The following PDE7B variants were observed in gnomAD, a reference collection of about 807,000 sequenced individuals.
The protein encoded by PDE7B is 3',5'-cyclic-AMP phosphodiesterase 7B.
PDE7B carries 29 observed loss-of-function variants against 56.2 expected under a neutral mutation model. That is an observed-to-expected ratio of 0.52 (90% confidence interval 0.38 to 0.70). The LOEUF (loss-of-function observed/expected upper bound fraction) is 0.70. Among genes scored for constraint, PDE7B ranks in the 30% least tolerant of loss-of-function variants. The probability of loss-of-function intolerance (pLI) is 0.00; values close to 1 mark genes in which losing one functional copy is unlikely to be tolerated. For missense variants in PDE7B, 490 were observed against 565.0 expected, an observed-to-expected ratio of 0.87 and a Z score of 1.35; for synonymous variants, 197 against 196.9, an observed-to-expected ratio of 1.00 and a Z score of 0.00.
intron 2 of PDE7B, chr6:136,038,643 G>C (rs1411045172): frequency 4.1e-6 from 3 of 727,900 alleles, no homozygotes; most frequent in Middle Eastern, 3.2e-4. Flanking sequence ...TCAGGTCTGA[G>C]GGCTGTGACT....
chr6:136,113,774 A>AG, intron 3 of PDE7B, among the ~76,000 whole-genome samples: 1 of 152,292 alleles, frequency 6.6e-6, no homozygotes, highest in East Asian at 1.9e-4. Context: ...GTGGACCCAG[A>AG]GGGGAGAGTT....
At chr6:135,898,322 T>A (rs773751829) in intron 1 of PDE7B, among the ~76,000 whole-genome samples, 4 of 152,356 alleles carry the variant, frequency 2.6e-5, no homozygotes, top group Admixed American at 6.5e-5. Context: ...AATAAATACA[T>A]GTTTGGTCAC....
chr6:136,189,123 C>T (rs1466522088), intron 12 of PDE7B, among the ~76,000 whole-genome samples: 1 of 150,950 alleles, frequency 6.6e-6, no homozygotes, highest in Non-Finnish European at 1.5e-5. Context: ...CTGCCTCAAT[C>T]CAAAATGAGA....
intron 1 of PDE7B, among the ~76,000 whole-genome samples, chr6:135,853,747 T>C (rs938658266): frequency 2.6e-5 from 4 of 152,078 alleles, no homozygotes; most frequent in Admixed American, 2.6e-4. Context: ...AATTAAGTTA[T>C]TTAGGGCAAG....
rs1471251386 is a variant in PDE7B at position 136,193,419 on chromosome 6, G to A, written c.*1579G>A. 6.7e-6 allele frequency: 1 copy of A among 149,148 alleles called. No individual in the cohort carries two copies. Among genetic ancestry groups the A allele is most frequent in the Non-Finnish European group, 1.5e-5 (1 of 68,028 alleles). The allele number at this position is 149,148 out of a possible 1,614,324, so 9.2% of individuals were successfully genotyped here. ...ATAACAGACTTTACCTTCCTGGCAG[G>A]TCATTGTAGTTAATTATGTCTCTAG... is the stretch of plus-strand genomic sequence containing the variant. On this transcript the variant is annotated 3_prime_UTR_variant, in exon 13 of 13. Coordinates refer to ENST00000308191, the MANE Select transcript of PDE7B (RefSeq NM_018945.4).
At chr6:135,898,904 T>C (rs1042252130) in intron 1 of PDE7B, among the ~76,000 whole-genome samples, 1 of 152,184 alleles carries the variant, frequency 6.6e-6, no homozygotes, top group South Asian at 2.1e-4. Context: ...TTACATATGA[T>C]ATGGTTTGGC....
intron 2 of PDE7B, among the ~76,000 whole-genome samples, chr6:136,048,056 G>A (rs144173894): frequency 3.7e-4 from 56 of 151,094 alleles, no homozygotes; most frequent in African/African-American, 1.3e-3. Flanking sequence ...GAATGTTGAG[G>A]TAGATGGATG....
intron 6 of PDE7B, among the ~76,000 whole-genome samples, chr6:136,153,433 G>A (rs1014463863): frequency 2.6e-5 from 4 of 152,104 alleles, no homozygotes; most frequent in Admixed American, 6.5e-5. Flanking sequence ...AACCAAAATC[G>A]CCTTGCCTGT....
intron 2 of PDE7B, among the ~76,000 whole-genome samples, chr6:135,967,705 A>C (rs1026762312): frequency 1.3e-5 from 2 of 152,238 alleles, no homozygotes; most frequent in African/African-American, 4.8e-5. Flanking sequence ...TTAATTTTGT[A>C]GGATACTAAA....
chr6:135,878,370 T>C (rs1304022255), intron 1 of PDE7B, among the ~76,000 whole-genome samples: 2 of 152,220 alleles, frequency 1.3e-5, no homozygotes, highest in Admixed American at 1.3e-4. Flanking sequence ...TATTTTAATG[T>C]ACACTTTAAC....
intron 2 of PDE7B, among the ~76,000 whole-genome samples, chr6:136,059,447 C>T (rs1445174313): frequency 1.3e-5 from 2 of 152,184 alleles, no homozygotes; most frequent in Non-Finnish European, 2.9e-5. Context: ...CTTCTCTGTG[C>T]ACCACAGCCA....
chr6:135,876,184 G>A (rs970058256), intron 1 of PDE7B, among the ~76,000 whole-genome samples: 3 of 152,182 alleles, frequency 2.0e-5, no homozygotes, highest in Non-Finnish European at 4.4e-5. Context: ...GCTGTGAGAA[G>A]AGTTTGGCAT....
At chr6:136,166,521 G>A in intron 8 of PDE7B, 1 of 154,880 alleles carries the variant, frequency 6.5e-6, no homozygotes. Flanking sequence ...ATGGCAGATG[G>A]CAAAGAGAGT....
chr6:135,856,711 A>G (rs566609901), intron 1 of PDE7B, among the ~76,000 whole-genome samples: 1 of 152,280 alleles, frequency 6.6e-6, no homozygotes, highest in African/African-American at 2.4e-5. Flanking sequence ...GAAAATAGGG[A>G]GCTGGTTTTG....
At chr6:135,912,370 C>T (rs1477591693) in intron 1 of PDE7B, among the ~76,000 whole-genome samples, 1 of 152,066 alleles carries the variant, frequency 6.6e-6, no homozygotes, top group African/African-American at 2.4e-5. Context: ...GTAGCATTTA[C>T]TTTTTATTAG....
At chr6:136,031,738 CAAAAA>C (rs36015213) in intron 2 of PDE7B, among the ~76,000 whole-genome samples, 1 of 109,964 alleles carries the variant, frequency 9.1e-6, no homozygotes, top group African/African-American at 3.4e-5. Flanking sequence ...GACTCCGTCT[CAAAAA>C]AAAAAAAAAA....
At chr6:135,877,941 G>C (rs1463402732) in intron 1 of PDE7B, among the ~76,000 whole-genome samples, 1 of 152,172 alleles carries the variant, frequency 6.6e-6, no homozygotes, top group Non-Finnish European at 1.5e-5. Context: ...GTCATTGGTT[G>C]AGGGTTACTA....
At chr6:136,129,902 GCA>G (rs1778087060) in intron 3 of PDE7B, among the ~76,000 whole-genome samples, 1 of 152,162 alleles carries the variant, frequency 6.6e-6, no homozygotes, top group African/African-American at 2.4e-5. Flanking sequence ...TGCCAACAGT[GCA>G]CATCCTTTTT....
chr6:136,153,962 G>GCA (rs1179660644), intron 6 of PDE7B, 113 bp from the exon 7 acceptor site: 2 of 678,284 alleles, frequency 2.9e-6, no homozygotes, highest in Non-Finnish European at 5.3e-6. Context: ...TCTCTATGCT[G>GCA]CACATTTTGG....
Sources: gnomAD v4.1 joint callset for allele counts (sites outside exome capture counted in the v4.1 genomes callset) on GRCh38, gnomAD v4.1.1 for gene constraint, MANE v1.5 for transcripts, NCBI Gene and HGNC (gene_info 2026-07-23, HGNC 2026-07-21) for gene names.